TGFBR1: variants seen among roughly 807,000 people sequenced by gnomAD.
The protein encoded by TGFBR1 is TGF-beta receptor type-1.
In TGFBR1, 20 loss-of-function variants were observed where a neutral mutation model predicts 55.1. That is an observed-to-expected ratio of 0.36 (90% CI 0.26 to 0.53). The LOEUF is 0.53. TGFBR1 is among the 20% of genes least tolerant of loss of function. TGFBR1 has a pLI of 0.91. For synonymous variants in TGFBR1, 220 were observed against 214.8 expected, an observed-to-expected ratio of 1.02 and a Z score of -0.21; for missense variants, 385 against 617.6, an observed-to-expected ratio of 0.62 and a Z score of 3.99.
intron 1 of TGFBR1, chr9:99,127,705 A>T (rs1176603128): frequency 2.9e-6 from 1 of 347,156 alleles, no homozygotes; most frequent in Non-Finnish European, 5.6e-6. Flanking sequence ...GGTAGAGTGG[A>T]CCTTGCTGTT....
At chr9:99,125,187 T>C (rs1173018905) in intron 1 of TGFBR1, among the ~76,000 whole-genome samples, 3 of 152,220 alleles carry the variant, frequency 2.0e-5, no homozygotes, top group Non-Finnish European at 4.4e-5. Context: ...AGTAATGTTA[T>C]GCAGGAGGGC....
intron 4 of TGFBR1, among the ~76,000 whole-genome samples, chr9:99,139,198 T>TA (rs200585576): frequency 0.018 from 2,573 of 141,980 alleles, 117 homozygotes; most frequent in South Asian, 0.14. Context: ...CTTTCCTATT[T>TA]AAAAAAAAAA....
chr9:99,104,505 G>T (rs1378096383), upstream of TGFBR1, among the ~76,000 whole-genome samples: 1 of 152,122 alleles, frequency 6.6e-6, no homozygotes, highest in Admixed American at 6.5e-5. Context: ...GCTGGGAGCA[G>T]GAGGAAATAG....
rs1828010082 is a variant in TGFBR1, at chr9:99,152,624, A to AT, written c.*3321dup. The AT allele has an allele frequency of 4.4e-6, 1 of 228,426 alleles. No homozygotes were observed. Among genetic ancestry groups the AT allele is most frequent in the African/African-American group, 2.2e-5 (1 of 45,104 alleles). 14.1% of individuals were successfully genotyped at this position (228,426 alleles called of 1,614,324 possible). A position where few individuals can be genotyped will look rare whatever the true frequency, so the allele number is the denominator to read the frequency against. ...GAGTGCACAACAAAATCACTATCCC[A>AT]TTAGACACATCATCAAAAGCTTATT... On this transcript the variant is annotated 3_prime_UTR_variant, in exon 9 of 9. Transcript: ENST00000374994.
intron 1 of TGFBR1, among the ~76,000 whole-genome samples, chr9:99,112,752 G>A (rs758988646): frequency 2.0e-5 from 3 of 152,154 alleles, no homozygotes; most frequent in African/African-American, 7.2e-5. Context: ...AATTTGGCAC[G>A]AGGATTAAGG....
chr9:99,108,893 T>G (rs746811440), intron 1 of TGFBR1, among the ~76,000 whole-genome samples: 2 of 152,174 alleles, frequency 1.3e-5, no homozygotes, highest in Non-Finnish European at 2.9e-5. Context: ...GGACTAGGCA[T>G]TCAAATGGTG....
At chr9:99,115,027 G>C (rs908482142) in intron 1 of TGFBR1, among the ~76,000 whole-genome samples, 1 of 152,142 alleles carries the variant, frequency 6.6e-6, no homozygotes, top group East Asian at 1.9e-4. Flanking sequence ...ACGTACATTA[G>C]CATGAGGGCA....
At chr9:99,148,842 AAAAG>A (rs201679581) in intron 8 of TGFBR1, among the ~76,000 whole-genome samples, 61 of 148,960 alleles carry the variant, frequency 4.1e-4, no homozygotes, top group African/African-American at 4.9e-4. Flanking sequence ...AAAAAAAAAA[AAAAG>A]AAAGAAAAAT....
At chr9:99,120,931 C>A (rs1826879844) in intron 1 of TGFBR1, among the ~76,000 whole-genome samples, 1 of 152,136 alleles carries the variant, frequency 6.6e-6, no homozygotes, top group Non-Finnish European at 1.5e-5. Context: ...ATTTGGGCAG[C>A]CTATTCTTAG....
intron 1 of TGFBR1, among the ~76,000 whole-genome samples, chr9:99,110,840 A>G (rs1188676728): frequency 2.0e-5 from 3 of 152,248 alleles, no homozygotes; most frequent in Non-Finnish European, 2.9e-5. Flanking sequence ...TGTTAATGAA[A>G]GGTGGAGCCT....
intron 3 of TGFBR1, among the ~76,000 whole-genome samples, chr9:99,134,841 T>C (rs1437683252): frequency 8.2e-6 from 1 of 122,356 alleles, no homozygotes; most frequent in East Asian, 2.3e-4. Context: ...TATATATATA[T>C]ATATATATAT....
At chr9:99,121,865 T>C (rs1488547849) in intron 1 of TGFBR1, among the ~76,000 whole-genome samples, 1 of 152,002 alleles carries the variant, frequency 6.6e-6, no homozygotes, top group Non-Finnish European at 1.5e-5. Context: ...TTTGCATAGA[T>C]AAGTAAGCCA....
chr9:99,149,165 T>A lies in TGFBR1; in HGVS notation c.1387-15T>A, dbSNP rs200789509. On this transcript the variant is annotated splice_polypyrimidine_tract_variant and intron_variant, in intron 8 of 8. Coordinates refer to ENST00000374994, the MANE Select transcript of TGFBR1 (RefSeq NM_004612.4). ...TGGTGCATGCATTAATTTTTTTTTT[T>A]ATATTTTCTTGTAGGCCTTGAGAGT... 1 of 1,574,684 alleles carries A rather than the reference T, an allele frequency of 6.4e-7. No homozygotes were observed. The highest frequency in any genetic ancestry group is 1.4e-5 in the African/African-American group (1 of 73,522).
At chr9:99,124,353 G>A (rs1218756089) in intron 1 of TGFBR1, among the ~76,000 whole-genome samples, 1 of 152,140 alleles carries the variant, frequency 6.6e-6, no homozygotes, top group Non-Finnish European at 1.5e-5. Flanking sequence ...ATATAGAGAT[G>A]CTTAGTGAAT....
At chr9:99,139,941 C>G (rs905183435) in intron 4 of TGFBR1, among the ~76,000 whole-genome samples, 12 of 152,118 alleles carry the variant, frequency 7.9e-5, no homozygotes, top group African/African-American at 2.9e-4. Context: ...TTAACTTGTT[C>G]TTCTATCTTT....
intron 1 of TGFBR1, 87 bp downstream of exon 1, chr9:99,105,389 G>A (rs1418073267): frequency 1.2e-5 from 12 of 963,408 alleles, no homozygotes; most frequent in Non-Finnish European, 1.5e-5. Flanking sequence ...CTCAAACATG[G>A]CGCGGGGCCG....
At chr9:99,133,050 AATT>A (rs751933069) in intron 3 of TGFBR1, among the ~76,000 whole-genome samples, 4 of 152,230 alleles carry the variant, frequency 2.6e-5, no homozygotes, top group Non-Finnish European at 5.9e-5. Context: ...GGATAAGAAC[AATT>A]ATTCTCATAT....
At chr9:99,128,786 G>A (rs1204001071) in intron 1 of TGFBR1, 69 bp from the exon 2 acceptor site, 1 of 1,576,662 alleles carries the variant, frequency 6.3e-7, no homozygotes, top group South Asian at 1.1e-5. Flanking sequence ...TGTATTATTA[G>A]AGTGAATATT....
At chr9:99,105,443 G>C in intron 1 of TGFBR1, 141 bp downstream of exon 1, 3 of 735,084 alleles carry the variant, frequency 4.1e-6, no homozygotes, top group Non-Finnish European at 5.0e-6. Flanking sequence ...GGCTCTCGTG[G>C]CGCCGCGCGG....
Sources: gnomAD v4.1 joint callset for allele counts (sites outside exome capture counted in the v4.1 genomes callset) on GRCh38, gnomAD v4.1.1 for gene constraint, MANE v1.5 for transcripts, NCBI Gene and HGNC (gene_info 2026-07-23, HGNC 2026-07-21) for gene names.